Variants in KHDRBS2 observed in about 807,000 individuals in gnomAD.
KHDRBS2 encodes KH domain-containing, RNA-binding, signal transduction-associated protein 2.
A neutral mutation model predicts 44.3 loss-of-function variants in KHDRBS2; 26 were observed. The observed-to-expected ratio is 0.59, with a 90% CI of 0.43 to 0.81. The LOEUF is 0.81. Ranked by LOEUF, KHDRBS2 falls within the 40% of genes least tolerant of loss-of-function variation. The pLI is 0.00. For synonymous variants in KHDRBS2, 194 were observed against 151.1 expected (o/e 1.28, Z -2.08); for missense variants, 476 against 433.1 (o/e 1.10, Z -0.88).
chr6:62,095,655 G>A (rs1366077917), intron 2 of KHDRBS2, among the ~76,000 whole-genome samples: 5 of 151,794 alleles, frequency 3.3e-5, no homozygotes, highest in Admixed American at 3.3e-4. Context: ...TGATCATGTT[G>A]TCTCCAAACA....
chr6:61,907,546 C>T (rs562669822), intron 4 of KHDRBS2, among the ~76,000 whole-genome samples: 1 of 152,244 alleles, frequency 6.6e-6, no homozygotes, highest in African/African-American at 2.4e-5. Flanking sequence ...TGAGGTCTTA[C>T]ATTTAAGTCT....
chr6:61,555,108 G>A, the KHDRBS2 span, among the ~76,000 whole-genome samples: 49,681 of 151,952 alleles, frequency 0.33, 9,298 homozygotes, highest in East Asian at 0.49. Flanking sequence ...TTTCCAAGTT[G>A]TTTTCTTTCT....
At chr6:61,579,235 G>A in the KHDRBS2 span, among the ~76,000 whole-genome samples, 3 of 152,080 alleles carry the variant, frequency 2.0e-5, no homozygotes, top group African/African-American at 4.8e-5. Context: ...CTCTGACCTC[G>A]GCTAAACTTC....
the KHDRBS2 span, among the ~76,000 whole-genome samples, chr6:61,552,149 T>C: frequency 6.6e-6 from 1 of 152,188 alleles, no homozygotes; most frequent in Non-Finnish European, 1.5e-5. Flanking sequence ...TACATGAGCA[T>C]GGCATATTTT....
intron 2 of KHDRBS2, among the ~76,000 whole-genome samples, chr6:62,064,684 G>C (rs185643741): frequency 6.6e-6 from 1 of 151,962 alleles, no homozygotes; most frequent in African/African-American, 2.4e-5. Flanking sequence ...AACCCTAGAA[G>C]AAAACCTAGG....
intron 1 of KHDRBS2, among the ~76,000 whole-genome samples, chr6:62,240,821 AT>A (rs1457488824): frequency 6.7e-6 from 1 of 150,264 alleles, no homozygotes; most frequent in African/African-American, 2.4e-5. Flanking sequence ...CAACTCTGTC[AT>A]CCATCATAGA....
intron 4 of KHDRBS2, among the ~76,000 whole-genome samples, chr6:61,914,212 C>A (rs1806565690): frequency 6.6e-6 from 1 of 151,826 alleles, no homozygotes; most frequent in Admixed American, 6.6e-5. Flanking sequence ...GCCATTAGAT[C>A]ATTGCTGATG....
chr6:61,796,787 A>G (rs1306598838), intron 6 of KHDRBS2, among the ~76,000 whole-genome samples: 1 of 152,156 alleles, frequency 6.6e-6, no homozygotes, highest in Non-Finnish European at 1.5e-5. Context: ...TAAAAGATGC[A>G]ATTTTACCCC....
At chr6:61,646,070 T>C in the KHDRBS2 span, among the ~76,000 whole-genome samples, 1 of 152,192 alleles carries the variant, frequency 6.6e-6, no homozygotes, top group South Asian at 2.1e-4. Context: ...GATAACCTAA[T>C]ATCTATTCAT....
intron 2 of KHDRBS2, among the ~76,000 whole-genome samples, chr6:62,159,033 A>T (rs1352761765): frequency 1.3e-5 from 2 of 152,096 alleles, no homozygotes; most frequent in Admixed American, 1.3e-4. Context: ...CGTCATACAG[A>T]TCCAAAAAAT....
At chr6:61,755,698 C>A (rs1778386257) in intron 6 of KHDRBS2, among the ~76,000 whole-genome samples, 1 of 150,822 alleles carries the variant, frequency 6.6e-6, no homozygotes, top group Non-Finnish European at 1.5e-5. Flanking sequence ...GTAATCCTAG[C>A]TACTTGGGAG....
intron 4 of KHDRBS2, among the ~76,000 whole-genome samples, chr6:61,945,172 A>T (rs1254011658): frequency 9.3e-6 from 1 of 107,984 alleles, no homozygotes; most frequent in African/African-American, 3.4e-5. Flanking sequence ...TGTCTTGATA[A>T]AGTTTATTTT....
At chr6:62,082,405 G>A (rs1483927190) in intron 2 of KHDRBS2, among the ~76,000 whole-genome samples, 1 of 151,870 alleles carries the variant, frequency 6.6e-6, no homozygotes, top group Non-Finnish European at 1.5e-5. Context: ...TTATGATAAA[G>A]TGGTTTCTTT....
At position 62,052,986 on chromosome 6, in the gene KHDRBS2, G is replaced by A. The variant is rs150576532; in HGVS notation, c.220-4992C>T. Among the ~76,000 whole-genome samples the A allele has an allele frequency of 3.3e-5, 5 of 152,096 alleles. No homozygotes were observed. The East Asian group carries it at 9.7e-4, about 30-fold the overall frequency. On this transcript the variant is annotated intron_variant, in intron 2 of 8. Coordinates refer to ENST00000281156, the MANE Select transcript of KHDRBS2 (RefSeq NM_152688.4). The stretch of plus-strand genomic sequence containing the variant: ...ATTTCATCCTAAGTAGATTTTGGCT[G>A]CACTTGCCACAAAACCTAAAAAAAT...
At position 62,211,659 on chromosome 6, in the gene KHDRBS2, G is replaced by A. The variant is rs1020709648; in HGVS notation, c.92-34347C>T. 1.4e-4 allele frequency among the ~76,000 whole-genome samples: 21 copies of A among 152,132 alleles called. No individual in the cohort carries two copies. In the South Asian group the frequency reaches 3.7e-3, roughly 27 times the overall value. On this transcript the variant is annotated intron_variant, in intron 1 of 8. Coordinates refer to ENST00000281156, the MANE Select transcript of KHDRBS2 (RefSeq NM_152688.4). ...GAATACATGTGCAGGTTTGTTTCACGGCACTTGCAAGATTGTGGAAGAAAA... is the reference window on the plus strand; with the variant it reads ...GAATACATGTGCAGGTTTGTTTCACAGCACTTGCAAGATTGTGGAAGAAAA...
chr6:62,004,903 A>G (rs1304890096), intron 3 of KHDRBS2, among the ~76,000 whole-genome samples: 1 of 152,160 alleles, frequency 6.6e-6, no homozygotes. Flanking sequence ...ACAGAACCAA[A>G]GACAAAAACC....
intron 1 of KHDRBS2, among the ~76,000 whole-genome samples, chr6:62,252,093 A>C (rs1836644027): frequency 6.6e-6 from 1 of 151,878 alleles, no homozygotes; most frequent in South Asian, 2.1e-4. Context: ...GGTATAATAA[A>C]ATTTTTAGAA....
chr6:61,747,084 A>G (rs763754665), intron 6 of KHDRBS2, among the ~76,000 whole-genome samples: 1 of 152,142 alleles, frequency 6.6e-6, no homozygotes, highest in Non-Finnish European at 1.5e-5. Flanking sequence ...ATAAGAACAG[A>G]CATTTTTAAG....
intron 7 of KHDRBS2, among the ~76,000 whole-genome samples, chr6:61,731,509 A>C (rs1408732692): frequency 1.3e-5 from 2 of 152,086 alleles, no homozygotes; most frequent in East Asian, 3.8e-4. Context: ...CAATACTTTT[A>C]CTGTGCTGTC....
Sources: gnomAD v4.1 joint callset for allele counts (sites outside exome capture counted in the v4.1 genomes callset) on GRCh38, gnomAD v4.1.1 for gene constraint, MANE v1.5 for transcripts, NCBI Gene and HGNC (gene_info 2026-07-23, HGNC 2026-07-21) for gene names.